The following FOXP4 variants were observed in gnomAD, a reference collection of about 807,000 sequenced individuals.
FOXP4 encodes the protein forkhead box protein P4.
FOXP4 carries 25 observed loss-of-function variants against 82.6 expected under a neutral mutation model. That is an observed-to-expected ratio of 0.30 (90% CI 0.22 to 0.42). The LOEUF (loss-of-function observed/expected upper bound fraction) is 0.42. FOXP4 is among the 10% of genes least tolerant of loss of function. The pLI, the probability that FOXP4 is intolerant of heterozygous loss-of-function variation, is 1.00. For missense variants in FOXP4, 785 were observed against 900.9 expected, an observed-to-expected ratio of 0.87 and a Z score of 1.65; for synonymous variants, 415 against 388.2, an observed-to-expected ratio of 1.07 and a Z score of -0.81.
chr6:41,552,414 G>A (rs528514114), intron 1 of FOXP4, among the ~76,000 whole-genome samples: 40 of 152,280 alleles, frequency 2.6e-4, no homozygotes, highest in South Asian at 8.3e-4. Flanking sequence ...ATGGGAGCTG[G>A]AGAAGCTGGA....
intron 9 of FOXP4, among the ~76,000 whole-genome samples, chr6:41,589,476 C>T (rs921968600): frequency 4.6e-5 from 7 of 152,224 alleles, no homozygotes; most frequent in Admixed American, 4.6e-4. Context: ...AGGAAGAAGC[C>T]TCCCAACATG....
At position 41,589,823 on chromosome 6, in the gene FOXP4, G is replaced by A. The variant is rs1314554872; in HGVS notation, c.1118G>A (p.Arg373Gln). The change falls in exon 10 of 17, where the codon CGG (arginine) becomes CAG (glutamine). Residue 373 changes from arginine (R) to glutamine (Q), a missense_variant. Physicochemically the swap from Arg to Gln is conservative, Grantham distance 43. This residue lies in a region of FOXP4 where 570 missense variants were observed against 634.0 expected (regional missense o/e 0.90). Transcript: ENST00000307972. The part of the protein sequence containing the change: ...LQAMMAHLHM[R>Q]PSEPKPFSQP... ...GCCATGATGGCCCACCTGCACATGC[G>A]GCCCTCGGAGCCCAAGCCCTTCAGC... is the stretch of plus-strand genomic sequence containing the variant. 16 of 1,610,654 alleles carry A rather than the reference G, an allele frequency of 9.9e-6. No individual in the cohort carries two copies. The highest frequency in any genetic ancestry group is 2.2e-5 in the South Asian group (2 of 91,068).
Position 41,597,922 on chromosome 6 carries a change from C to T in FOXP4, c.1867C>T (p.Pro623Ser), listed in dbSNP as rs761490426. Reference sequence around the variant, plus strand: ...GCTGCCCAGCAACGGCAGCAGCAGCCCTCCTCGCCTCTCCCCGCCCCAGTA... The same window carrying T: ...GCTGCCCAGCAACGGCAGCAGCAGCTCTCCTCGCCTCTCCCCGCCCCAGTA... ...EPLPSNGSSSPPRLSPPQYSH... is the reference protein window; with the variant it reads ...EPLPSNGSSSSPRLSPPQYSH... Residue 623 changes from proline to serine, a missense_variant, in exon 16 of 17, where the codon CCT becomes TCT. This residue lies in a region of FOXP4 where 184 missense variants were observed against 187.3 expected (regional missense o/e 0.98). Transcript: ENST00000307972. The T allele has an allele frequency of 1.9e-6, 3 of 1,566,528 alleles. No individual in the cohort carries two copies. Among genetic ancestry groups the T allele is most frequent in the Non-Finnish European group, 2.6e-6 (3 of 1,162,694 alleles).
intron 9 of FOXP4, 126 bp downstream of exon 9, chr6:41,588,857 A>G: frequency 2.0e-6 from 2 of 1,017,526 alleles, no homozygotes; most frequent in Non-Finnish European, 3.0e-6. Context: ...CAAAGCCACC[A>G]TCTTATGCTT....
chr6:41,581,043 A>G (rs1311059142), intron 3 of FOXP4, among the ~76,000 whole-genome samples: 1 of 152,228 alleles, frequency 6.6e-6, no homozygotes, highest in East Asian at 1.9e-4. Context: ...AGTTGAGGAC[A>G]TGATGGGGGC....
At chr6:41,586,234 A>G (rs1056440215) in intron 5 of FOXP4, among the ~76,000 whole-genome samples, 4 of 151,978 alleles carry the variant, frequency 2.6e-5, no homozygotes, top group African/African-American at 9.7e-5. Flanking sequence ...TCTCTAGGCT[A>G]AGTTTATCCT....
intron 13 of FOXP4, among the ~76,000 whole-genome samples, chr6:41,592,964 G>A (rs1176045442): frequency 6.6e-6 from 1 of 152,114 alleles, no homozygotes; most frequent in African/African-American, 2.4e-5. Context: ...TCTGGGCTGG[G>A]GAAAGTGAAC....
In FOXP4 at chr6:41,593,278, G is replaced by C. The variant is rs1293758091; in HGVS notation, c.1537-1592G>C. On this transcript the variant is annotated intron_variant, in intron 13 of 16. Transcript: ENST00000307972. The surrounding 1 kb of genome is among the most constrained non-coding windows in gnomAD (Gnocchi z 4.1). ...CTTCACCTTTGCTGGCTCCCACCCT[G>C]AGATACTTTCCACCTCAGACCAGGG... Among the ~76,000 whole-genome samples the C allele has an allele frequency of 6.6e-6, 1 of 152,138 alleles. No individual in the cohort carries two copies. The highest frequency in any genetic ancestry group is 1.5e-5 in the Non-Finnish European group (1 of 68,034).
At chr6:41,556,759 C>A (rs978020086) in intron 1 of FOXP4, among the ~76,000 whole-genome samples, 17 of 152,200 alleles carry the variant, frequency 1.1e-4, no homozygotes, top group African/African-American at 3.9e-4. Context: ...GCTCCATGGT[C>A]CCCAGTGTCT....
chr6:41,560,715 A>G (rs1291084068), intron 1 of FOXP4, among the ~76,000 whole-genome samples: 1 of 152,194 alleles, frequency 6.6e-6, no homozygotes, highest in East Asian at 1.9e-4. Flanking sequence ...AGAAAACGTC[A>G]ATAAAAATTA....
At chr6:41,549,527 A>G (rs928249008) in intron 1 of FOXP4, among the ~76,000 whole-genome samples, 2 of 151,934 alleles carry the variant, frequency 1.3e-5, no homozygotes, top group Non-Finnish European at 2.9e-5. Flanking sequence ...TACCCCAAAC[A>G]TACCTCTTCC....
intron 3 of FOXP4, among the ~76,000 whole-genome samples, chr6:41,584,096 C>G (rs926352272): frequency 1.3e-5 from 2 of 152,242 alleles, no homozygotes; most frequent in African/African-American, 4.8e-5. Flanking sequence ...CTTCCCACCC[C>G]ACCCTAGACA....
At chr6:41,557,535 G>C (rs1015639884) in intron 1 of FOXP4, among the ~76,000 whole-genome samples, 1 of 152,176 alleles carries the variant, frequency 6.6e-6, no homozygotes, top group African/African-American at 2.4e-5. Flanking sequence ...TCTGGAACAT[G>C]CGGCCCATTC....
rs756859257 is a variant in FOXP4, at chr6:41,565,935, G to T, written c.175G>T (p.Ala59Ser). 2 of 1,613,708 alleles carry T rather than the reference G, an allele frequency of 1.2e-6. No homozygotes were observed. The highest frequency in any genetic ancestry group is 3.3e-5 in the Admixed American group (2 of 60,010). ...GADSNGEMSPAELLHFQQQQA... is the reference protein window; with the variant it reads ...GADSNGEMSPSELLHFQQQQA... ...AGACAGCAATGGTGAGATGAGTCCC[G>T]CAGAGCTGCTGCACTTCCAGCAGCA... The change falls in exon 2 of 17, where the codon GCA (alanine) becomes TCA (serine). Residue 59 changes from alanine (A) to serine (S), a missense_variant. Around this residue, in one of 3 missense-constraint regions of FOXP4, gnomAD observed 570 missense variants for 634.0 expected, o/e 0.90. Transcript: ENST00000307972.
chr6:41,582,913 G>T (rs1412104734), intron 3 of FOXP4, among the ~76,000 whole-genome samples: 1 of 152,148 alleles, frequency 6.6e-6, no homozygotes, highest in East Asian at 1.9e-4. Context: ...CATAGGATGT[G>T]AAAACCCTGG....
chr6:41,574,963 G>GTGTTT (rs1178902263), intron 2 of FOXP4, among the ~76,000 whole-genome samples: 6 of 150,546 alleles, frequency 4.0e-5, no homozygotes, highest in South Asian at 2.1e-4. Flanking sequence ...GTTTTGTTTT[G>GTGTTT]TGTTTTGTTT....
intron 2 of FOXP4, among the ~76,000 whole-genome samples, chr6:41,570,971 CA>C (rs1765166840): frequency 6.6e-6 from 1 of 152,200 alleles, no homozygotes; most frequent in Non-Finnish European, 1.5e-5. Flanking sequence ...GCCCCCACTC[CA>C]ACCCTACATT....
intron 2 of FOXP4, among the ~76,000 whole-genome samples, chr6:41,574,812 C>T (rs1290078338): frequency 6.6e-6 from 1 of 152,220 alleles, no homozygotes; most frequent in Non-Finnish European, 1.5e-5. Flanking sequence ...TTAACTCGCC[C>T]TTCAGATGGC....
At chr6:41,557,655 T>C (rs910634676) in intron 1 of FOXP4, among the ~76,000 whole-genome samples, 1 of 152,188 alleles carries the variant, frequency 6.6e-6, no homozygotes, top group Non-Finnish European at 1.5e-5. Context: ...AAACCATGTA[T>C]AGATTATGAC....
Sources: gnomAD v4.1 joint callset for allele counts (sites outside exome capture counted in the v4.1 genomes callset) on GRCh38, gnomAD v4.1.1 for gene constraint, gnomAD v4.1.1 regional missense constraint, Gnocchi (gnomAD v3.1) non-coding constraint, MANE v1.5 for transcripts, NCBI Gene and HGNC (gene_info 2026-07-23, HGNC 2026-07-21) for gene names.